The following SLIT3 variants were observed in gnomAD, a reference collection of about 807,000 sequenced individuals.
SLIT3 encodes slit homolog 3 protein.
SLIT3 carries 68 observed loss-of-function variants against 184.0 expected under a neutral mutation model. The ratio of observed to expected loss-of-function variants is 0.37; its 90% CI spans 0.30 to 0.45. The LOEUF (loss-of-function observed/expected upper bound fraction) is 0.45. Ranked by LOEUF, SLIT3 falls within the 20% of genes least tolerant of loss-of-function variation. The pLI, the probability that SLIT3 is intolerant of heterozygous loss-of-function variation, is 1.00. For missense variants in SLIT3, 1,707 were observed against 2,026.0 expected (o/e 0.84, Z 3.02); for synonymous variants, 831 against 828.6 (o/e 1.00, Z -0.05).
chr5:169,013,831 T>C (rs1253695302), intron 4 of SLIT3, among the ~76,000 whole-genome samples: 1 of 152,192 alleles, frequency 6.6e-6, no homozygotes, highest in Non-Finnish European at 1.5e-5. Flanking sequence ...CCTCACATTG[T>C]CGTATTTTCT....
In SLIT3 at chr5:168,666,338, CTTTACCT is replaced by C; in HGVS notation, c.*109_*115del. ...ACAATATACTTAATATTCTCTTCTT[CTTTACCT>C]TCCTCTCCAGCTTCATTTCCTTCAT... On this transcript the variant is annotated 3_prime_UTR_variant, in exon 36 of 36. Coordinates refer to ENST00000519560, the MANE Select transcript of SLIT3 (RefSeq NM_003062.4). 1 of 991,486 alleles carries C rather than the reference CTTTACCT, an allele frequency of 1.0e-6. No individual in the cohort carries two copies. Among genetic ancestry groups the C allele is most frequent in the South Asian group, 2.2e-5 (1 of 44,798 alleles). The allele number at this position is 991,486 out of a possible 1,614,324, so 61.4% of individuals were successfully genotyped here. A position where few individuals can be genotyped will look rare whatever the true frequency, so the allele number is the denominator to read the frequency against.
At chr5:169,007,485 T>C (rs994890547) in intron 4 of SLIT3, among the ~76,000 whole-genome samples, 1 of 152,200 alleles carries the variant, frequency 6.6e-6, no homozygotes, top group African/African-American at 2.4e-5. Context: ...AACGAATAGA[T>C]GTTAAAATAA....
intron 4 of SLIT3, among the ~76,000 whole-genome samples, chr5:169,112,418 C>T (rs959944840): frequency 2.0e-5 from 3 of 152,316 alleles, no homozygotes; most frequent in African/African-American, 7.2e-5. Context: ...TTTTCTCACT[C>T]ATCAGAGAGG....
intron 5 of SLIT3, among the ~76,000 whole-genome samples, chr5:168,863,774 C>T (rs1266451812): frequency 6.6e-6 from 1 of 152,140 alleles, no homozygotes; most frequent in Non-Finnish European, 1.5e-5. Context: ...AATATATGCA[C>T]ATGACAAAAG....
At chr5:169,059,243 C>A (rs570404027) in intron 4 of SLIT3, among the ~76,000 whole-genome samples, 1 of 152,252 alleles carries the variant, frequency 6.6e-6, no homozygotes, top group South Asian at 2.1e-4. Flanking sequence ...CTATGGAAGA[C>A]ACCAAGTGAA....
intron 5 of SLIT3, among the ~76,000 whole-genome samples, chr5:168,853,420 G>A (rs17666229): frequency 0.014 from 2,141 of 152,160 alleles, 85 homozygotes; most frequent in Admixed American, 0.072. Flanking sequence ...GTCAAATGCC[G>A]CACCATCTAT....
chr5:169,166,652 C>T (rs1034100618), intron 4 of SLIT3, among the ~76,000 whole-genome samples: 1 of 152,170 alleles, frequency 6.6e-6, no homozygotes, highest in Non-Finnish European at 1.5e-5. Context: ...AGTCCATCCC[C>T]AATATCACCT....
At chr5:169,164,569 TTC>T (rs1762576012) in intron 4 of SLIT3, among the ~76,000 whole-genome samples, 1 of 152,204 alleles carries the variant, frequency 6.6e-6, no homozygotes, top group African/African-American at 2.4e-5. Context: ...CTCCGGGCTG[TTC>T]TGTCATCTCT....
At chr5:168,895,636 A>G (rs1760634128) in intron 4 of SLIT3, among the ~76,000 whole-genome samples, 1 of 152,216 alleles carries the variant, frequency 6.6e-6, no homozygotes, top group South Asian at 2.1e-4. Context: ...CCATTAAGCT[A>G]TGTTAATACT....
At chr5:168,794,198 G>A (rs928698903) in intron 10 of SLIT3, among the ~76,000 whole-genome samples, 1 of 152,182 alleles carries the variant, frequency 6.6e-6, no homozygotes, top group Non-Finnish European at 1.5e-5. Context: ...GCAGGACCGA[G>A]TCCATGCATA....
intron 4 of SLIT3, among the ~76,000 whole-genome samples, chr5:169,046,947 G>T (rs1757645189): frequency 6.6e-6 from 1 of 152,052 alleles, no homozygotes; most frequent in South Asian, 2.1e-4. Context: ...TATATTCTAG[G>T]CGCTTGCTAC....
At chr5:169,050,691 C>G (rs1581352248) in intron 4 of SLIT3, among the ~76,000 whole-genome samples, 1 of 146,108 alleles carries the variant, frequency 6.8e-6, no homozygotes, top group Non-Finnish European at 1.5e-5. Flanking sequence ...TATAATAGCA[C>G]TTTTTTTTTT....
chr5:168,978,620 C>A (rs1212638083), intron 4 of SLIT3, among the ~76,000 whole-genome samples: 1 of 152,124 alleles, frequency 6.6e-6, no homozygotes, highest in African/African-American at 2.4e-5. Context: ...AGAGAAGGAT[C>A]AGAAAACCAT....
intron 3 of SLIT3, among the ~76,000 whole-genome samples, chr5:169,194,807 C>T (rs1396421010): frequency 6.6e-6 from 1 of 152,108 alleles, no homozygotes; most frequent in Non-Finnish European, 1.5e-5. Context: ...TGCTAAACAC[C>T]CACAGAAAGG....
chr5:168,675,470 T>C (rs1358921937), intron 32 of SLIT3, among the ~76,000 whole-genome samples: 1 of 152,200 alleles, frequency 6.6e-6, no homozygotes, highest in Non-Finnish European at 1.5e-5. Context: ...ACCATAGGAA[T>C]AGAACATCCG....
intron 20 of SLIT3, among the ~76,000 whole-genome samples, chr5:168,741,499 A>C (rs1360001368): frequency 6.6e-6 from 1 of 150,762 alleles, no homozygotes. Context: ...AAAAAAAAGA[A>C]GACAAGACAG....
chr5:168,968,962 T>C (rs562269602), intron 4 of SLIT3, among the ~76,000 whole-genome samples: 1 of 152,324 alleles, frequency 6.6e-6, no homozygotes, highest in African/African-American at 2.4e-5. Context: ...AGTCTACGAA[T>C]AGGGCAAAGC....
intron 4 of SLIT3, among the ~76,000 whole-genome samples, chr5:168,972,718 C>T (rs1325595129): frequency 6.6e-6 from 1 of 152,146 alleles, no homozygotes. Context: ...CTTCCTCTTG[C>T]TGTCTTCTCT....
In SLIT3 at chr5:168,724,513, G is replaced by C. The variant is rs374840665; in HGVS notation, c.2271-29C>G. 2.3e-5 allele frequency: 37 copies of C among 1,586,954 alleles called. No homozygotes were observed. The African/African-American group carries it at 4.6e-4, about 20-fold the overall frequency. On this transcript the variant is annotated intron_variant, in intron 20 of 35. Coordinates refer to ENST00000519560, the MANE Select transcript of SLIT3 (RefSeq NM_003062.4). ...AAAGAGGTGTGGAGAGACAACACCT[G>C]AGAAAGAGACACTGTACAAATTCTC...
Sources: gnomAD v4.1 joint callset for allele counts (sites outside exome capture counted in the v4.1 genomes callset) on GRCh38, gnomAD v4.1.1 for gene constraint, MANE v1.5 for transcripts, NCBI Gene and HGNC (gene_info 2026-07-23, HGNC 2026-07-21) for gene names.